The following ALG12 variants were observed in gnomAD, a reference collection of about 807,000 sequenced individuals.
ALG12 encodes dol-P-Man:Man(7)GlcNAc(2)-PP-Dol alpha-1,6-mannosyltransferase.
In ALG12, 36 loss-of-function variants were observed where a neutral mutation model predicts 46.0. That is an observed-to-expected ratio of 0.78 (90% confidence interval 0.60 to 1.03). ALG12 has a LOEUF of 1.03. ALG12 is among the 50% of genes least tolerant of loss of function. The pLI is 0.00. For synonymous variants in ALG12, 326 were observed against 291.6 expected (o/e 1.12, Z -1.20); for missense variants, 599 against 633.5 (o/e 0.95, Z 0.58).
At chr22:49,891,538 CTA>C in the ALG12 span, among the ~76,000 whole-genome samples, 5 of 152,190 alleles carry the variant, frequency 3.3e-5, no homozygotes, top group Admixed American at 6.5e-5. Flanking sequence ...AACGAGGTAT[CTA>C]TGTGTATACT....
chr22:49,904,551 A>G, intron 7 of ALG12, 45 bp from the exon 8 acceptor site: 1 of 1,606,876 alleles, frequency 6.2e-7, no homozygotes, highest in Non-Finnish European at 8.5e-7. Context: ...CGTAATGACA[A>G]TAAAATTAAT....
intron 3 of ALG12, among the ~76,000 whole-genome samples, chr22:49,912,652 T>A (rs1421569947): frequency 6.6e-6 from 1 of 152,232 alleles, no homozygotes; most frequent in Non-Finnish European, 1.5e-5. Context: ...TGTCTGGGTA[T>A]TAAAAGCAAT....
At chr22:49,895,188 A>T in the ALG12 span, among the ~76,000 whole-genome samples, 1 of 152,244 alleles carries the variant, frequency 6.6e-6, no homozygotes, top group African/African-American at 2.4e-5. Flanking sequence ...CACCATAAAA[A>T]TTCTCATTGG....
At chr22:49,884,614 A>G in the ALG12 span, 1 of 1,612,738 alleles carries the variant, frequency 6.2e-7, no homozygotes, top group East Asian at 2.2e-5. Context: ...CCGGGGGAAG[A>G]ATGGGAAGGA....
downstream of ALG12, among the ~76,000 whole-genome samples, chr22:49,897,663 C>CTTTTTTTTTTT (rs146468551): frequency 2.9e-5 from 3 of 103,656 alleles, no homozygotes; most frequent in African/African-American, 3.9e-5. Context: ...CCCATGTTTT[C>CTTTTTTTTTTT]TTTTTTTTTT....
the ALG12 span, among the ~76,000 whole-genome samples, chr22:49,881,606 G>A: frequency 6.6e-6 from 1 of 152,186 alleles, no homozygotes. Flanking sequence ...TCAAACTCCT[G>A]CCCTCAAGTG....
chr22:49,877,250 AC>A, the ALG12 span, among the ~76,000 whole-genome samples: 1 of 145,796 alleles, frequency 6.9e-6, no homozygotes, highest in African/African-American at 2.5e-5. Flanking sequence ...TCTCAAAAAA[AC>A]AGCTTTATTA....
At chr22:49,861,513 A>G in the ALG12 span, among the ~76,000 whole-genome samples, 2 of 150,872 alleles carry the variant, frequency 1.3e-5, no homozygotes, top group Non-Finnish European at 2.9e-5. Context: ...GGCTTACCGC[A>G]GCCTCGACCT....
chr22:49,872,535 T>A, the ALG12 span, among the ~76,000 whole-genome samples: 1 of 152,212 alleles, frequency 6.6e-6, no homozygotes, highest in African/African-American at 2.4e-5. Context: ...TGGTTTTGTT[T>A]TTGTTGTTTT....
In ALG12 at chr22:49,913,463, C is replaced by T. The variant is rs1206108021; in HGVS notation, c.217G>A (p.Val73Met). The T allele has an allele frequency of 1.2e-6, 2 of 1,614,040 alleles. No homozygotes were observed. Among genetic ancestry groups the T allele is most frequent in the South Asian group, 1.1e-5 (1 of 91,092 alleles). ...GCGGGGCTGGAGAACACTGCGATCA[C>T]CACTGGCCCGAGGAACGTCCTGGGG... ...VVPRTFLGPV[V>M]IAVFSSPAVY... The change falls in exon 3 of 10, where the codon GTG becomes ATG. Residue 73 changes from valine (V) to methionine (M), a missense_variant. Transcript: ENST00000330817.
chr22:49,912,071 G>A (rs1337570991), intron 3 of ALG12, among the ~76,000 whole-genome samples: 1 of 137,870 alleles, frequency 7.3e-6, no homozygotes, highest in Non-Finnish European at 1.6e-5. Context: ...GATCAGCCTG[G>A]CCCCGGGATC....
At chr22:49,874,404 T>TA in the ALG12 span, among the ~76,000 whole-genome samples, 1 of 151,570 alleles carries the variant, frequency 6.6e-6, no homozygotes, top group South Asian at 2.1e-4. Flanking sequence ...TTTTTTTTTT[T>TA]AGATGGAGTC....
chr22:49,907,744 C>T lies in ALG12; in HGVS notation c.969G>A (p.Thr323=), dbSNP rs751353681. 27 of 1,613,918 alleles carry T rather than the reference C, an allele frequency of 1.7e-5. No homozygotes were observed. The African/African-American group carries it at 2.7e-4, about 16-fold the overall frequency. The change falls in exon 7 of 10, where the codon ACG becomes ACA. Residue 323 remains threonine (T), a synonymous_variant. Coordinates refer to ENST00000330817, the MANE Select transcript of ALG12 (RefSeq NM_024105.4). ...ACAGGTAGGAGCAGCCTCTGGCAGC[C>T]GTGATGTTGAGCATGGGGAAGGCAT... ...IIYAFPMLNI[T]AARGCSYLLN...
chr22:49,904,955 G>C (rs964543924), intron 7 of ALG12, among the ~76,000 whole-genome samples: 6 of 152,116 alleles, frequency 3.9e-5, no homozygotes, highest in Non-Finnish European at 8.8e-5. Context: ...GGCCAGGCTA[G>C]TCTTGAACTC....
At chr22:49,859,837 G>A in the ALG12 span, among the ~76,000 whole-genome samples, 2 of 152,154 alleles carry the variant, frequency 1.3e-5, no homozygotes, top group East Asian at 3.8e-4. Context: ...ACCAGTCTAG[G>A]CAGCGTGGCA....
the ALG12 span, chr22:49,884,321 A>G: frequency 1.2e-6 from 2 of 1,613,646 alleles, no homozygotes; most frequent in African/African-American, 2.7e-5. Flanking sequence ...CCGTCCCCCG[A>G]TCGAATAACA....
the ALG12 span, among the ~76,000 whole-genome samples, chr22:49,873,303 G>A: frequency 6.6e-5 from 10 of 152,240 alleles, no homozygotes; most frequent in South Asian, 1.7e-3. Context: ...AGGATTAATC[G>A]GCCTAATTCT....
Position 49,905,036 on chromosome 22 carries a change from C to T in ALG12, c.993-530G>A, listed in dbSNP as rs2060535306. Among the ~76,000 whole-genome samples, 1 of 152,156 alleles carries T rather than the reference C, an allele frequency of 6.6e-6. No individual in the cohort carries two copies. Among genetic ancestry groups the T allele is most frequent in the South Asian group, 2.1e-4 (1 of 4,824 alleles). On this transcript the variant is annotated intron_variant, in intron 7 of 9. Transcript: ENST00000330817. This position sits in a 1 kb window ranked among gnomAD's most constrained non-coding sequence, Gnocchi z 4.9. The stretch of plus-strand genomic sequence containing the variant: ...TACAGGCATGAGCCACTGCGCCCAG[C>T]CTAAAAATATATTTTCAAACAATCC...
At chr22:49,909,788 G>A in intron 5 of ALG12, 106 bp downstream of exon 5, 1 of 1,458,126 alleles carries the variant, frequency 6.9e-7, no homozygotes, top group Non-Finnish European at 9.5e-7. Flanking sequence ...CTAAATTTAG[G>A]GTCATTTTAT....
Sources: gnomAD v4.1 joint callset for allele counts (sites outside exome capture counted in the v4.1 genomes callset) on GRCh38, gnomAD v4.1.1 for gene constraint, Gnocchi (gnomAD v3.1) non-coding constraint, MANE v1.5 for transcripts, NCBI Gene and HGNC (gene_info 2026-07-23, HGNC 2026-07-21) for gene names.